PTGFRN: variants seen among roughly 807,000 people sequenced by gnomAD.
The protein encoded by PTGFRN is prostaglandin F2 receptor inhibitor, also known as prostaglandin F2 receptor negative regulator.
In PTGFRN, 35 loss-of-function variants were observed where a neutral mutation model predicts 83.2. That is an observed-to-expected ratio of 0.42 (90% CI 0.32 to 0.56). The LOEUF (loss-of-function observed/expected upper bound fraction) is 0.56, where lower values mean the gene tolerates loss of function less well. Ranked by LOEUF, PTGFRN falls within the 20% of genes least tolerant of loss-of-function variation. PTGFRN has a pLI of 0.11. For synonymous variants in PTGFRN, 519 were observed against 498.6 expected (o/e 1.04, Z -0.55); for missense variants, 1,051 against 1,179.5 (o/e 0.89, Z 1.60).
In PTGFRN at chr1:116,986,851, G is replaced by A. The variant is rs1173608903; in HGVS notation, c.2524G>A (p.Val842Ile). The change falls in exon 9 of 9, where the codon GTC (valine) becomes ATC (isoleucine). Residue 842 changes from valine to isoleucine, a missense_variant. By Grantham distance (29) the Val-to-Ile change is conservative. Around this residue, in one of 3 missense-constraint regions of PTGFRN, gnomAD observed 719 missense variants for 836.6 expected, o/e 0.86. Coordinates refer to ENST00000393203, the MANE Select transcript of PTGFRN (RefSeq NM_020440.4). ...GCTGATCGGCGTCGGTCTGTCCACG[G>A]TCATCGGGCTCCTGTCCTGTCTCAT... ...PLLIGVGLSTVIGLLSCLIGY... is the reference protein window; with the variant it reads ...PLLIGVGLSTIIGLLSCLIGY... The A allele has an allele frequency of 6.2e-7, 1 of 1,614,172 alleles. No homozygotes were observed. The highest frequency in any genetic ancestry group is 8.5e-7 in the Non-Finnish European group (1 of 1,180,004).
intron 3 of PTGFRN, among the ~76,000 whole-genome samples, chr1:116,947,526 A>G (rs1427975267): frequency 6.6e-6 from 1 of 152,244 alleles, no homozygotes; most frequent in African/African-American, 2.4e-5. Context: ...ACTTGCACAG[A>G]GAAAATTACA....
chr1:116,956,363 C>T (rs1650492032), intron 4 of PTGFRN, among the ~76,000 whole-genome samples: 1 of 152,204 alleles, frequency 6.6e-6, no homozygotes, highest in East Asian at 1.9e-4. Context: ...TCTTTCCTTC[C>T]AAGCTGGAAT....
intron 7 of PTGFRN, among the ~76,000 whole-genome samples, chr1:116,978,901 G>A (rs914598407): frequency 4.6e-5 from 7 of 151,894 alleles, no homozygotes; most frequent in African/African-American, 1.5e-4. Flanking sequence ...AGAAATAAAG[G>A]GTATTCAATT....
rs1483884867 is a variant in PTGFRN, at chr1:116,987,560, G to A, written c.*593G>A. 3 of 140,758 alleles carry A rather than the reference G, an allele frequency of 2.1e-5. No homozygotes were observed. Among genetic ancestry groups the A allele is most frequent in the East Asian group, 2.1e-4 (1 of 4,706 alleles). 8.7% of individuals were successfully genotyped at this position (140,758 alleles called of 1,614,324 possible). A position where few individuals can be genotyped will look rare whatever the true frequency, so the allele number is the denominator to read the frequency against. On this transcript the variant is annotated 3_prime_UTR_variant, in exon 9 of 9. Coordinates refer to ENST00000393203, the MANE Select transcript of PTGFRN (RefSeq NM_020440.4). Reference sequence around the variant, plus strand: ...AACTTGGAGTATATAACTTCTTATTGAGCCCAACTGCTTTTTTTTTTTTTT... The same window carrying A: ...AACTTGGAGTATATAACTTCTTATTAAGCCCAACTGCTTTTTTTTTTTTTT...
chr1:116,962,730 A>T (rs1202383491), intron 5 of PTGFRN, among the ~76,000 whole-genome samples: 1 of 152,160 alleles, frequency 6.6e-6, no homozygotes, highest in Non-Finnish European at 1.5e-5. Context: ...TTCTCTAAAC[A>T]TATCTCCTGT....
intron 3 of PTGFRN, among the ~76,000 whole-genome samples, chr1:116,948,402 T>G (rs1300646491): frequency 1.3e-5 from 2 of 152,208 alleles, no homozygotes; most frequent in African/African-American, 4.8e-5. Flanking sequence ...AGGACAGTAG[T>G]GCAGATAATC....
intron 4 of PTGFRN, among the ~76,000 whole-genome samples, chr1:116,957,981 G>A (rs938652955): frequency 6.6e-6 from 1 of 151,818 alleles, no homozygotes; most frequent in Non-Finnish European, 1.5e-5. Flanking sequence ...GTAGTCTATT[G>A]TGTATATATA....
chr1:116,936,038 C>T (rs961782798), intron 1 of PTGFRN, among the ~76,000 whole-genome samples: 4 of 152,132 alleles, frequency 2.6e-5, no homozygotes, highest in Non-Finnish European at 5.9e-5. Context: ...TGTTTGGGAC[C>T]TTCAGTTTGA....
At position 116,910,200 on chromosome 1, in the gene PTGFRN, G is replaced by A. The variant is rs771059993; in HGVS notation, c.-4G>A. On this transcript the variant is annotated 5_prime_UTR_variant, in exon 1 of 9. Coordinates refer to ENST00000393203, the MANE Select transcript of PTGFRN (RefSeq NM_020440.4). Reference sequence around the variant, plus strand: ...AGGGGGAGAGTCGCTCCCGCCGGGCGAGCATGGGGCGCCTGGCCTCGAGGC... The same window carrying A: ...AGGGGGAGAGTCGCTCCCGCCGGGCAAGCATGGGGCGCCTGGCCTCGAGGC... 23 of 1,479,172 alleles carry A rather than the reference G, an allele frequency of 1.6e-5. No individual in the cohort carries two copies. The highest frequency in any genetic ancestry group is 1.5e-4 in the African/African-American group (10 of 68,630). 91.6% of individuals were successfully genotyped at this position (1,479,172 alleles called of 1,614,324 possible).
Position 116,961,758 on chromosome 1 carries a change from T to C in PTGFRN, c.1639+90T>C. On this transcript the variant is annotated intron_variant, in intron 5 of 8. Transcript: ENST00000393203. This position sits in a 1 kb window ranked among gnomAD's most constrained non-coding sequence, Gnocchi z 5.4. ...TGATGCACAGTCACCCTCTGCAGGT[T>C]ATCACTTACACTAGGAATGTGTGTC... The C allele has an allele frequency of 8.1e-7, 1 of 1,237,150 alleles. No homozygotes were observed. Among genetic ancestry groups the C allele is most frequent in the Non-Finnish European group, 1.1e-6 (1 of 894,650 alleles). 76.6% of individuals were successfully genotyped at this position (1,237,150 alleles called of 1,614,324 possible).
intron 1 of PTGFRN, among the ~76,000 whole-genome samples, chr1:116,933,576 A>G (rs1649851499): frequency 6.6e-6 from 1 of 152,170 alleles, no homozygotes; most frequent in South Asian, 2.1e-4. Context: ...AACTGGGATT[A>G]TGTTCCCTCT....
intron 7 of PTGFRN, among the ~76,000 whole-genome samples, chr1:116,982,530 G>A (rs987346683): frequency 2.6e-5 from 4 of 152,102 alleles, no homozygotes; most frequent in Non-Finnish European, 4.4e-5. Flanking sequence ...GCCCTTCTGA[G>A]GCAGTATCTT....
intron 4 of PTGFRN, among the ~76,000 whole-genome samples, chr1:116,959,980 AGAAG>A: frequency 6.6e-6 from 1 of 152,152 alleles, no homozygotes; most frequent in Non-Finnish European, 1.5e-5. Flanking sequence ...AAAAAACAAA[AGAAG>A]AAGAAGAAGA....
intron 1 of PTGFRN, among the ~76,000 whole-genome samples, chr1:116,933,667 T>C (rs1174152905): frequency 6.6e-6 from 1 of 152,206 alleles, no homozygotes; most frequent in African/African-American, 2.4e-5. Flanking sequence ...AAAGCATGTT[T>C]ATGTTGCCTT....
At chr1:116,964,137 A>G (rs899199464) in intron 5 of PTGFRN, among the ~76,000 whole-genome samples, 5 of 151,686 alleles carry the variant, frequency 3.3e-5, no homozygotes, top group African/African-American at 9.7e-5. Context: ...TCTGTTTCCC[A>G]CACCCATTTG....
At chr1:116,964,757 C>T (rs371179731) in intron 5 of PTGFRN, among the ~76,000 whole-genome samples, 1 of 152,236 alleles carries the variant, frequency 6.6e-6, no homozygotes, top group South Asian at 2.1e-4. Flanking sequence ...CAGCTCTCTT[C>T]TCCCAGCTTT....
At chr1:116,934,114 T>C (rs1649863830) in intron 1 of PTGFRN, among the ~76,000 whole-genome samples, 1 of 152,172 alleles carries the variant, frequency 6.6e-6, no homozygotes, top group Non-Finnish European at 1.5e-5. Flanking sequence ...TAACTTTTAC[T>C]GACTTTTGTT....
intron 7 of PTGFRN, among the ~76,000 whole-genome samples, chr1:116,984,072 C>G (rs536392530): frequency 6.6e-6 from 1 of 152,316 alleles, no homozygotes; most frequent in South Asian, 2.1e-4. Flanking sequence ...GTTCCATTTT[C>G]TCAGCTTGAC....
rs573870318 is a variant in PTGFRN, at chr1:116,976,301, A to C, written c.2167+1978A>C. Among the ~76,000 whole-genome samples the C allele has an allele frequency of 3.9e-5, 6 of 152,344 alleles. No individual in the cohort carries two copies. The South Asian group carries it at 1.0e-3, about 26-fold the overall frequency. On this transcript the variant is annotated intron_variant, in intron 7 of 8. Coordinates refer to ENST00000393203, the MANE Select transcript of PTGFRN (RefSeq NM_020440.4). ...GGAACCAAGTTGGAAAACACTCTGCAGGATATTGTCCAGTAGAACTTCCCC... is the reference window on the plus strand; with the variant it reads ...GGAACCAAGTTGGAAAACACTCTGCCGGATATTGTCCAGTAGAACTTCCCC...
Sources: gnomAD v4.1 joint callset for allele counts (sites outside exome capture counted in the v4.1 genomes callset) on GRCh38, gnomAD v4.1.1 for gene constraint, gnomAD v4.1.1 regional missense constraint, Gnocchi (gnomAD v3.1) non-coding constraint, MANE v1.5 for transcripts, NCBI Gene and HGNC (gene_info 2026-07-23, HGNC 2026-07-21) for gene names.